The following VWA3A variants were observed in gnomAD, a reference collection of about 807,000 sequenced individuals.
VWA3A encodes the protein von Willebrand factor A domain-containing protein 3A.
A neutral mutation model predicts 160.4 loss-of-function variants in VWA3A; 134 were observed. That is an observed-to-expected ratio of 0.84 (90% CI 0.73 to 0.96). VWA3A has a LOEUF of 0.96. Ranked by LOEUF, VWA3A falls within the 40% of genes least tolerant of loss-of-function variation. The probability of loss-of-function intolerance (pLI) is 0.00; values close to 1 mark genes in which losing one functional copy is unlikely to be tolerated. For synonymous variants in VWA3A, 476 were observed against 543.4 expected (o/e 0.88, Z 1.72); for missense variants, 1,310 against 1,447.9 (o/e 0.90, Z 1.55).
chr16:22,100,260 A>G lies in VWA3A; in HGVS notation c.292A>G (p.Ser98Gly). Residue 98 changes from serine to glycine, a missense_variant, in exon 4 of 34, where the codon AGT (serine) becomes GGT (glycine). Transcript: ENST00000389398. Reference sequence around the variant, plus strand: ...CTCTGAAGACTGGCTTTCGGCTCACAGTTTAAAATGTCAGAAACTCACCTT... The same window carrying G: ...CTCTGAAGACTGGCTTTCGGCTCACGGTTTAAAATGTCAGAAACTCACCTT... ...EDSEDWLSAH[S>G]LKCQKLTLAD... 6.4e-7 allele frequency: 1 copy of G among 1,551,428 alleles called. No individual in the cohort carries two copies. Among genetic ancestry groups the G allele is most frequent in the Non-Finnish European group, 8.7e-7 (1 of 1,146,972 alleles).
intron 9 of VWA3A, chr16:22,116,317 G>A (rs1271869795): frequency 2.3e-6 from 1 of 426,572 alleles, no homozygotes; most frequent in South Asian, 1.7e-5. Context: ...AAAGAGAAAG[G>A]AAGGAAAGAT....
intron 1 of VWA3A, among the ~76,000 whole-genome samples, chr16:22,093,670 T>G (rs1567522147): frequency 6.6e-6 from 1 of 152,226 alleles, no homozygotes; most frequent in Non-Finnish European, 1.5e-5. Flanking sequence ...TCAATTTCAT[T>G]TGATCCTCTT....
chr16:22,147,509 T>A, intron 27 of VWA3A: 1 of 699,824 alleles, frequency 1.4e-6, no homozygotes, highest in South Asian at 1.5e-5. Context: ...AAGGGAGTCC[T>A]ATATAGAGAT....
rs1031833503 is a variant in VWA3A at position 22,114,903 on chromosome 16, T to G, written c.690-444T>G. On this transcript the variant is annotated intron_variant, in intron 8 of 33. Transcript: ENST00000389398. ...TCACTGCAACCTTCCGCCTCTGGAG[T>G]TCAAGCAGTTCTCCTGCTCAGCCTC... 2.7e-4 allele frequency among the ~76,000 whole-genome samples: 40 copies of G among 150,050 alleles called. 1 individual carries two copies. The highest frequency in any genetic ancestry group is 2.3e-3 in the Admixed American group (34 of 14,950).
chr16:22,116,943 C>T (rs572142134), intron 10 of VWA3A, 76 bp downstream of exon 10: 8 of 1,469,680 alleles, frequency 5.4e-6, no homozygotes, highest in African/African-American at 2.8e-5. Context: ...AGGCCTCATG[C>T]TTGGACAGGC....
chr16:22,111,484 T>C (rs1279832335), intron 8 of VWA3A, among the ~76,000 whole-genome samples: 1 of 150,474 alleles, frequency 6.6e-6, no homozygotes, highest in East Asian at 2.0e-4. Flanking sequence ...CACACCCTGC[T>C]AAGTTTTTAT....
intron 17 of VWA3A, among the ~76,000 whole-genome samples, chr16:22,129,399 AAAAAAAGAAAGAAAG>A (rs1408072849): frequency 7.6e-6 from 1 of 132,188 alleles, no homozygotes; most frequent in Non-Finnish European, 1.5e-5. Flanking sequence ...AAAAAAAAAA[AAAAAAAGAAAGAAAG>A]AAAGAAAGAA....
intron 20 of VWA3A, among the ~76,000 whole-genome samples, chr16:22,133,575 A>C (rs1335954077): frequency 6.7e-6 from 1 of 149,614 alleles, no homozygotes; most frequent in African/African-American, 2.5e-5. Flanking sequence ...GCTTGAACCC[A>C]GGAAGCGGAG....
In VWA3A at chr16:22,145,956, G is replaced by A. The variant is rs185130884; in HGVS notation, c.2731-280G>A. On this transcript the variant is annotated intron_variant, in intron 26 of 33. Coordinates refer to ENST00000389398, the MANE Select transcript of VWA3A (RefSeq NM_173615.5). ...CCACCTCAGCCTCCCCCAAGCAGCT[G>A]GGACCACAGACACATGCCACCACAC... 7.3e-4 allele frequency among the ~76,000 whole-genome samples: 111 copies of A among 152,030 alleles called. 1 individual carries two copies. The highest frequency in any genetic ancestry group is 7.0e-3 in the Admixed American group (107 of 15,242).
chr16:22,094,438 A>G (rs994677788), intron 1 of VWA3A, among the ~76,000 whole-genome samples: 7 of 152,038 alleles, frequency 4.6e-5, no homozygotes, highest in Non-Finnish European at 2.9e-5. Context: ...AACCATTATT[A>G]GGCTGTTTAA....
intron 7 of VWA3A, 45 bp from the exon 8 acceptor site, chr16:22,110,843 G>A (rs757665673): frequency 2.8e-5 from 43 of 1,543,114 alleles, no homozygotes; most frequent in South Asian, 1.8e-4. Flanking sequence ...CCAGGCTCCC[G>A]ATTCCCCTGG....
intron 29 of VWA3A, 132 bp from the exon 30 acceptor site, chr16:22,150,563 T>A (rs1206421878): frequency 1.8e-6 from 2 of 1,105,538 alleles, no homozygotes; most frequent in Middle Eastern, 3.0e-4. Flanking sequence ...TCAGTCTTTT[T>A]GAACAGGTCA....
In VWA3A at chr16:22,117,302, T is replaced by C. The variant is rs918779099; in HGVS notation, c.990+126T>C. 5.5e-5 allele frequency: 55 copies of C among 1,002,952 alleles called. 1 individual carries two copies. Among genetic ancestry groups the C allele is most frequent in the Non-Finnish European group, 2.9e-6 (2 of 680,624 alleles). The allele number at this position is 1,002,952 out of a possible 1,614,324, so 62.1% of individuals were successfully genotyped here. A position where few individuals can be genotyped will look rare whatever the true frequency, so the allele number is the denominator to read the frequency against. On this transcript the variant is annotated intron_variant, in intron 11 of 33. Transcript: ENST00000389398. ...TTCTCCTTTTCTCCTTGTCCCCACC[T>C]GTATTCAATGAGGTTACACAGGTAA...
At chr16:22,100,390 C>A (rs2045390403) in intron 4 of VWA3A, 26 bp from the exon 5 acceptor site, 4 of 1,551,646 alleles carry the variant, frequency 2.6e-6, no homozygotes, top group South Asian at 1.2e-5. Context: ...CCCGAGAGAT[C>A]CCCTCATAAG....
intron 6 of VWA3A, 63 bp downstream of exon 6, chr16:22,103,592 C>T (rs181063194): frequency 1.8e-5 from 27 of 1,527,254 alleles, no homozygotes; most frequent in East Asian, 2.5e-5. Context: ...TTGTTAGAAC[C>T]CTTTCAGTTG....
intron 8 of VWA3A, among the ~76,000 whole-genome samples, chr16:22,113,858 C>G (rs2045592866): frequency 6.6e-6 from 1 of 152,054 alleles, no homozygotes. Flanking sequence ...CTCAGCCTCC[C>G]AAAGTGCTGG....
intron 20 of VWA3A, 51 bp downstream of exon 20, chr16:22,133,146 G>A: frequency 6.4e-7 from 1 of 1,560,422 alleles, no homozygotes; most frequent in Admixed American, 1.9e-5. Flanking sequence ...AGTTGTCTCA[G>A]CACCAGCATA....
intron 11 of VWA3A, among the ~76,000 whole-genome samples, chr16:22,117,716 A>T (rs1322046427): frequency 7.9e-6 from 1 of 126,068 alleles, no homozygotes; most frequent in African/African-American, 3.0e-5. Context: ...GTGTAGATCC[A>T]TTTGGAAGAT....
chr16:22,156,064 C>A lies in VWA3A; in HGVS notation c.*47C>A, dbSNP rs1211166906. 1.2e-5 allele frequency: 10 copies of A among 827,022 alleles called. No individual in the cohort carries two copies. Among genetic ancestry groups the A allele is most frequent in the African/African-American group, 1.7e-5 (1 of 57,852 alleles). 51.2% of individuals were successfully genotyped at this position (827,022 alleles called of 1,614,324 possible). A position where few individuals can be genotyped will look rare whatever the true frequency, so the allele number is the denominator to read the frequency against. On this transcript the variant is annotated 3_prime_UTR_variant, in exon 34 of 34. Coordinates refer to ENST00000389398, the MANE Select transcript of VWA3A (RefSeq NM_173615.5). ...ATCCTGCAAAGGACCACTCACTGAG[C>A]AAATCTCAGCCCCGAGGGCAGGATG... is the stretch of plus-strand genomic sequence containing the variant.
Sources: allele counts gnomAD v4.1 joint callset (sites outside exome capture counted in the v4.1 genomes callset), GRCh38; gene constraint gnomAD v4.1.1; transcripts MANE v1.5; gene names NCBI Gene and HGNC (gene_info 2026-07-23, HGNC 2026-07-21).